ACOT13: variants seen among roughly 807,000 people sequenced by gnomAD.
ACOT13 encodes the protein acyl-CoA thioesterase 13, also known as acyl-coenzyme A thioesterase 13.
Under a neutral mutation model 11.8 loss-of-function variants are expected in ACOT13, and 10 were observed. The observed-to-expected ratio is 0.85, with a 90% CI of 0.53 to 1.44. ACOT13 has a LOEUF of 1.44. ACOT13 is among the 40% of genes most tolerant of loss of function. The pLI is 0.00. For synonymous variants in ACOT13, 53 were observed against 61.0 expected, an observed-to-expected ratio of 0.87 and a Z score of 0.61; for missense variants, 172 against 174.1, an observed-to-expected ratio of 0.99 and a Z score of 0.07.
intron 1 of ACOT13, among the ~76,000 whole-genome samples, chr6:24,672,878 C>T (rs1778385760): frequency 6.6e-6 from 1 of 152,142 alleles, no homozygotes; most frequent in Non-Finnish European, 1.5e-5. Flanking sequence ...AGTCTCTGGG[C>T]CTTGAGGAGT....
rs1437570060 is a variant in ACOT13 at position 24,701,890 on chromosome 6, CTCAGT to C, written c.*277_*281del. On this transcript the variant is annotated 3_prime_UTR_variant, in exon 3 of 3. Coordinates refer to ENST00000230048, the MANE Select transcript of ACOT13 (RefSeq NM_018473.4). ...AAGCAAAGAAACTAGCAGGACCACT[CTCAGT>C]TAAGATTAAAACTAAAGTCCAGTGT... 6.6e-6 allele frequency: 2 copies of C among 301,174 alleles called. No individual in the cohort carries two copies. The highest frequency in any genetic ancestry group is 2.2e-5 in the African/African-American group (1 of 46,170). 18.7% of individuals were successfully genotyped at this position (301,174 alleles called of 1,614,324 possible).
At chr6:24,681,029 T>C (rs925162928) in intron 1 of ACOT13, among the ~76,000 whole-genome samples, 5 of 152,216 alleles carry the variant, frequency 3.3e-5, no homozygotes, top group African/African-American at 4.8e-5. Context: ...TCCTCCTAGG[T>C]CTGGTCGGAC....
chr6:24,700,103 A>T (rs1778867570), intron 2 of ACOT13, among the ~76,000 whole-genome samples: 1 of 152,238 alleles, frequency 6.6e-6, no homozygotes, highest in South Asian at 2.1e-4. Context: ...ATACAGACTG[A>T]GGATGCCTGT....
At chr6:24,696,057 CAAAACAAAAAACAAACAAAAAAACAA>C (rs1189788554) in intron 1 of ACOT13, among the ~76,000 whole-genome samples, 2 of 151,728 alleles carry the variant, frequency 1.3e-5, no homozygotes, top group Non-Finnish European at 2.9e-5. Context: ...GACTTCATCT[CAAAACAAAAAACAAACAAAAAAACAA>C]AAAACAAAAA....
chr6:24,672,200 A>G (rs1778376713), intron 1 of ACOT13, among the ~76,000 whole-genome samples: 1 of 152,228 alleles, frequency 6.6e-6, no homozygotes, highest in African/African-American at 2.4e-5. Context: ...TAACTCAAGG[A>G]TTTCATAAAA....
rs983521342 is a variant in ACOT13 at position 24,692,393 on chromosome 6, A to G, written c.82-5490A>G. On this transcript the variant is annotated intron_variant, in intron 1 of 2. Transcript: ENST00000230048. ...CAAACCAAAGTTTCTGTTTGATAAT[A>G]GTTTTTATAATAAGGATGCAAATTA... Among the ~76,000 whole-genome samples, 51 of 152,204 alleles carry G rather than the reference A, an allele frequency of 3.4e-4. 1 individual carries two copies. The highest frequency in any genetic ancestry group is 1.5e-4 in the Non-Finnish European group (10 of 68,026).
At chr6:24,690,908 A>G (rs1489219223) in intron 1 of ACOT13, among the ~76,000 whole-genome samples, 3 of 152,132 alleles carry the variant, frequency 2.0e-5, no homozygotes, top group Non-Finnish European at 4.4e-5. Context: ...TATCTCTGAG[A>G]AGGCTTCCCT....
At chr6:24,679,087 T>C (rs1370579838) in intron 1 of ACOT13, among the ~76,000 whole-genome samples, 6 of 152,244 alleles carry the variant, frequency 3.9e-5, no homozygotes, top group African/African-American at 1.4e-4. Context: ...AGCTTACTTC[T>C]ACTTGGACAA....
At chr6:24,693,074 A>T (rs542134116) in intron 1 of ACOT13, among the ~76,000 whole-genome samples, 5 of 152,320 alleles carry the variant, frequency 3.3e-5, no homozygotes, top group Admixed American at 2.6e-4. Flanking sequence ...ATGAAGGTGC[A>T]TTCATACACT....
rs890261411 is a variant in ACOT13, at chr6:24,700,006, C to T, written c.267-1453C>T. 2.6e-5 allele frequency among the ~76,000 whole-genome samples: 4 copies of T among 152,186 alleles called. 1 individual carries two copies. Among genetic ancestry groups the T allele is most frequent in the South Asian group, 4.1e-4 (2 of 4,830 alleles). On this transcript the variant is annotated intron_variant, in intron 2 of 2. Transcript: ENST00000230048. ...TTTCAAAAGTAAATGAATAATGTTT[C>T]AGTCAGTTAACACTTCATGATTCAC...
rs891364048 is a variant in ACOT13, at chr6:24,704,161, C to T, written c.*2546C>T. ...ATATTCTTGTACTTGGAACATATGC[C>T]GAAGTACTAAGGAAGGGGTAAGGAA... On this transcript the variant is annotated 3_prime_UTR_variant, in exon 3 of 3. Coordinates refer to ENST00000230048, the MANE Select transcript of ACOT13 (RefSeq NM_018473.4). 5.3e-5 allele frequency: 8 copies of T among 151,778 alleles called. No individual in the cohort carries two copies. The highest frequency in any genetic ancestry group is 2.1e-4 in the South Asian group (1 of 4,818). The allele number at this position is 151,778 out of a possible 1,614,324, so 9.4% of individuals were successfully genotyped here.
chr6:24,667,228 C>CT lies in ACOT13; in HGVS notation c.-34dup, dbSNP rs754708161. ...CTTTCCAGCTCTTCCGAAGTTCGTT[C>CT]TTGCGCAAAGCCCAAAGGCTGGAAA... On this transcript the variant is annotated 5_prime_UTR_variant, in exon 1 of 3. Transcript: ENST00000230048. The CT allele has an allele frequency of 1.8e-4, 297 of 1,606,046 alleles. 2 individuals carry two copies. Among genetic ancestry groups the CT allele is most frequent in the African/African-American group, 1.8e-3 (136 of 74,910 alleles).
At chr6:24,700,432 T>C (rs1337221756) in intron 2 of ACOT13, among the ~76,000 whole-genome samples, 5 of 130,020 alleles carry the variant, frequency 3.8e-5, no homozygotes, top group African/African-American at 1.5e-4. Context: ...CACCTTTTTT[T>C]TTTTTTTTTT....
intron 1 of ACOT13, among the ~76,000 whole-genome samples, chr6:24,673,761 C>T (rs1778399420): frequency 6.6e-6 from 1 of 152,078 alleles, no homozygotes; most frequent in Non-Finnish European, 1.5e-5. Flanking sequence ...AACATGAAGC[C>T]CAGTCTCTAG....
Position 24,697,878 on chromosome 6 carries a change from CTTAGA to C in ACOT13, c.82-1_85del, listed in dbSNP as rs1481400411. On this transcript the variant is annotated splice_acceptor_variant and splice_polypyrimidine_tract_variant and coding_sequence_variant and intron_variant, in exon 2 of 3. Transcript: ENST00000230048. LOFTEE classifies it high-confidence loss of function. ...AATGTTCAGGATTCTTTTTTTTACA[CTTAGA>C]TTACTCTTGTCTCTGCTGCTCCTGG... 1.3e-6 allele frequency: 2 copies of C among 1,584,888 alleles called. No homozygotes were observed. The highest frequency in any genetic ancestry group is 8.6e-7 in the Non-Finnish European group (1 of 1,168,648).
rs771536656 is a variant in ACOT13, at chr6:24,667,251, A to T, written c.-13A>T. The T allele has an allele frequency of 1.2e-6, 2 of 1,613,792 alleles. No homozygotes were observed. The highest frequency in any genetic ancestry group is 4.5e-5 in the East Asian group (2 of 44,880). ...TTCTTGCGCAAAGCCCAAAGGCTGG[A>T]AAACCGTCCACGATGACCAGCATGA... is the stretch of plus-strand genomic sequence containing the variant. On this transcript the variant is annotated 5_prime_UTR_variant, in exon 1 of 3. Transcript: ENST00000230048.
chr6:24,680,781 A>G (rs1389629434), intron 1 of ACOT13, among the ~76,000 whole-genome samples: 1 of 152,206 alleles, frequency 6.6e-6, no homozygotes, highest in Non-Finnish European at 1.5e-5. Context: ...ACTCTTATGC[A>G]AATTCGTTTC....
At chr6:24,677,920 C>G (rs961965847) in intron 1 of ACOT13, among the ~76,000 whole-genome samples, 1 of 152,210 alleles carries the variant, frequency 6.6e-6, no homozygotes, top group Admixed American at 6.5e-5. Context: ...AGTTTTTAAC[C>G]TGCTGTGAGC....
At chr6:24,694,884 A>G (rs1582444962) in intron 1 of ACOT13, among the ~76,000 whole-genome samples, 2 of 152,264 alleles carry the variant, frequency 1.3e-5, no homozygotes, top group South Asian at 2.1e-4. Flanking sequence ...AGTTGGGGGG[A>G]AAAATCAAAA....
Sources: allele counts gnomAD v4.1 joint callset (sites outside exome capture counted in the v4.1 genomes callset), GRCh38; gene constraint gnomAD v4.1.1; transcripts MANE v1.5; gene names NCBI Gene and HGNC (gene_info 2026-07-23, HGNC 2026-07-21).